COG7: variants seen among roughly 807,000 people sequenced by gnomAD.
COG7 encodes the protein component of oligomeric golgi complex 7, also known as conserved oligomeric Golgi complex subunit 7.
A neutral mutation model predicts 91.5 loss-of-function variants in COG7; 49 were observed. That is an observed-to-expected ratio of 0.54 (90% CI 0.43 to 0.68). COG7 has a LOEUF of 0.68. COG7 is among the 30% of genes least tolerant of loss of function. The pLI is 0.00. For missense variants in COG7, 895 were observed against 961.3 expected (o/e 0.93, Z 0.91); for synonymous variants, 365 against 388.7 (o/e 0.94, Z 0.72).
chr16:23,442,375 A>G (rs1964115473), intron 4 of COG7, 102 bp downstream of exon 4: 2 of 1,062,174 alleles, frequency 1.9e-6, no homozygotes, highest in African/African-American at 1.6e-5. Flanking sequence ...CTTCTAATCT[A>G]TGTAATTCAA....
chr16:23,397,987 A>C, intron 14 of COG7, 59 bp downstream of exon 14: 1 of 1,426,072 alleles, frequency 7.0e-7, no homozygotes, highest in South Asian at 1.2e-5. Context: ...CAAGAATCAA[A>C]AGACAAGGAA....
chr16:23,427,828 C>A (rs910978742), intron 6 of COG7, among the ~76,000 whole-genome samples: 3 of 152,134 alleles, frequency 2.0e-5, no homozygotes, highest in Admixed American at 6.6e-5. Context: ...TCCAGCATAG[C>A]CTCATCAGTT....
intron 16 of COG7, among the ~76,000 whole-genome samples, chr16:23,390,498 T>C (rs963499527): frequency 1.3e-5 from 2 of 149,114 alleles, no homozygotes; most frequent in Non-Finnish European, 3.0e-5. Context: ...GCCACCGCGC[T>C]CAGTGCCCCC....
chr16:23,393,580 T>G, intron 14 of COG7: 1 of 547,192 alleles, frequency 1.8e-6, no homozygotes, highest in Non-Finnish European at 3.3e-6. Context: ...GACCTCAATA[T>G]TTTTGAAATG....
intron 4 of COG7, among the ~76,000 whole-genome samples, chr16:23,438,943 A>C (rs1046842972): frequency 2.0e-5 from 3 of 152,014 alleles, no homozygotes; most frequent in African/African-American, 7.2e-5. Context: ...GGATCACTTG[A>C]GGCCAGGAGT....
Position 23,392,428 on chromosome 16 carries a change from T to A in COG7, c.2098A>T (p.Ile700Phe). The A allele has an allele frequency of 6.2e-7, 1 of 1,614,138 alleles. No individual in the cohort carries two copies. The highest frequency in any genetic ancestry group is 2.2e-5 in the East Asian group (1 of 44,878). ...GCAGAGTGTGGGCTCAGCTCAGGGA[T>A]CTGTAGGATCGCATCACAGTAGGTC... is the stretch of plus-strand genomic sequence containing the variant. Reference protein sequence around the residue: ...MQTYCDAILQIPELSPHSAKQ... With the variant: ...MQTYCDAILQFPELSPHSAKQ... Residue 700 changes from isoleucine (I) to phenylalanine (F), a missense_variant, in exon 16 of 17, where the codon ATC (isoleucine) becomes TTC (phenylalanine). Transcript: ENST00000307149.
chr16:23,413,367 T>C, intron 10 of COG7, 81 bp downstream of exon 10: 1 of 839,464 alleles, frequency 1.2e-6, no homozygotes, highest in South Asian at 1.3e-5. Context: ...TCCAAACACA[T>C]TTGTCATTTT....
Position 23,445,156 on chromosome 16 carries a change from T to C in COG7, c.327A>G (p.Val109=). Residue 109 remains valine (V), a synonymous_variant, in exon 3 of 17, where the codon GTA becomes GTG. Transcript: ENST00000307149. ...QDTSQSMQVL[V]EIDQVKSRMQ... ...TTCTGGACTTCACTTGGTCAATTTC[T>C]ACCAACACCTGAAAGAGGCGTGAGG... 1 of 1,612,968 alleles carries C rather than the reference T, an allele frequency of 6.2e-7. No individual in the cohort carries two copies. Among genetic ancestry groups the C allele is most frequent in the Non-Finnish European group, 8.5e-7 (1 of 1,178,944 alleles).
At chr16:23,452,607 G>A (rs926909715) in intron 1 of COG7, 1 of 650,272 alleles carries the variant, frequency 1.5e-6, no homozygotes, top group African/African-American at 2.0e-5. Flanking sequence ...CCAGCCAGAG[G>A]AGGAAAAACA....
rs769602942 is a variant in COG7, at chr16:23,392,510, G to A, written c.2016C>T (p.Pro672=). The change falls in exon 16 of 17, where the codon CCC becomes CCT. Residue 672 remains proline (P), a synonymous_variant. Coordinates refer to ENST00000307149, the MANE Select transcript of COG7 (RefSeq NM_153603.4). The part of the protein sequence containing the change: ...PFPPEQGDEL[P]ELDNMADNWL... ...AGTTGTCAGCCATGTTGTCCAGCTC[G>A]GGCAATTCATCCCCTGAAAAGAAAA... 1.3e-5 allele frequency: 21 copies of A among 1,614,008 alleles called. No homozygotes were observed. The South Asian group carries it at 1.3e-4, about 10-fold the overall frequency.
chr16:23,410,959 G>A (rs1963552760), intron 10 of COG7, among the ~76,000 whole-genome samples: 1 of 152,066 alleles, frequency 6.6e-6, no homozygotes, highest in African/African-American at 2.4e-5. Flanking sequence ...CGCCTGCCTT[G>A]GCCTCCCAAA....
chr16:23,443,655 G>C (rs1388528738), intron 3 of COG7, among the ~76,000 whole-genome samples: 1 of 152,008 alleles, frequency 6.6e-6, no homozygotes, highest in Non-Finnish European at 1.5e-5. Context: ...TCATGCCACT[G>C]GACTCCGGCC....
intron 6 of COG7, among the ~76,000 whole-genome samples, chr16:23,431,238 A>T (rs1461339121): frequency 1.3e-5 from 2 of 152,164 alleles, no homozygotes; most frequent in Non-Finnish European, 2.9e-5. Flanking sequence ...AAAAATCTGA[A>T]GGAGACACAT....
intron 7 of COG7, among the ~76,000 whole-genome samples, chr16:23,423,141 C>T (rs557301659): frequency 6.7e-6 from 1 of 149,826 alleles, no homozygotes; most frequent in Admixed American, 6.7e-5. Context: ...TGAGGCGGGT[C>T]GATCACCTGA....
At chr16:23,433,741 C>T in intron 5 of COG7, 74 bp from the exon 6 acceptor site, 1 of 1,582,442 alleles carries the variant, frequency 6.3e-7, no homozygotes, top group Non-Finnish European at 8.6e-7. Context: ...CCCTGCCCTG[C>T]TACCCAGCGT....
chr16:23,431,882 C>T (rs1963940680), intron 6 of COG7, among the ~76,000 whole-genome samples: 2 of 151,506 alleles, frequency 1.3e-5, no homozygotes, highest in African/African-American at 2.4e-5. Flanking sequence ...TGGCTCATGC[C>T]TGTAATCCCA....
chr16:23,389,352 T>C (rs969853272), intron 16 of COG7, among the ~76,000 whole-genome samples: 2 of 151,514 alleles, frequency 1.3e-5, no homozygotes, highest in Non-Finnish European at 2.9e-5. Context: ...ACCACACACA[T>C]ACACACTCAC....
chr16:23,451,570 AT>A (rs1964266029), intron 1 of COG7, among the ~76,000 whole-genome samples: 1 of 151,736 alleles, frequency 6.6e-6, no homozygotes, highest in African/African-American at 2.4e-5. Flanking sequence ...TTTTTTTTTA[AT>A]TAGCCAGGCA....
Position 23,444,924 on chromosome 16 carries a change from A to G in COG7, c.435+124T>C, listed in dbSNP as rs1263420371. 3.7e-6 allele frequency: 3 copies of G among 806,418 alleles called. No individual in the cohort carries two copies. In the South Asian group the frequency reaches 4.0e-5, roughly 11 times the overall value. The allele number at this position is 806,418 out of a possible 1,614,324, so 50.0% of individuals were successfully genotyped here. On this transcript the variant is annotated intron_variant, in intron 3 of 16. Transcript: ENST00000307149. The stretch of plus-strand genomic sequence containing the variant: ...CACCGAGCAGCTTCAGATCTTCCCC[A>G]CCCTGAGTCTGAAGGTTTCTGAATG...
Sources: gnomAD v4.1 joint callset for allele counts (sites outside exome capture counted in the v4.1 genomes callset) on GRCh38, gnomAD v4.1.1 for gene constraint, MANE v1.5 for transcripts, NCBI Gene and HGNC (gene_info 2026-07-23, HGNC 2026-07-21) for gene names.